The following ZBTB16 variants were observed in gnomAD, a reference collection of about 807,000 sequenced individuals.
ZBTB16 encodes the protein zinc finger and BTB domain-containing protein 16.
A neutral mutation model predicts 56.8 loss-of-function variants in ZBTB16; 8 were observed. The ratio of observed to expected loss-of-function variants is 0.14; its 90% CI spans 0.08 to 0.25. ZBTB16 has a LOEUF of 0.25. Among genes scored for constraint, ZBTB16 ranks in the 10% least tolerant of loss-of-function variants. The pLI, the probability that ZBTB16 is intolerant of heterozygous loss-of-function variation, is 1.00. For synonymous variants in ZBTB16, 363 were observed against 368.5 expected (o/e 0.98, Z 0.17); for missense variants, 625 against 903.0 (o/e 0.69, Z 3.95).
At chr11:114,148,739 G>T (rs991675236) in intron 2 of ZBTB16, among the ~76,000 whole-genome samples, 2 of 151,506 alleles carry the variant, frequency 1.3e-5, no homozygotes, top group Non-Finnish European at 2.9e-5. Flanking sequence ...GTTATCTGCC[G>T]GTCACAGCCT....
At chr11:114,161,639 T>C (rs1942592678) in intron 3 of ZBTB16, among the ~76,000 whole-genome samples, 1 of 152,162 alleles carries the variant, frequency 6.6e-6, no homozygotes, top group African/African-American at 2.4e-5. Context: ...CCTGCGAGTG[T>C]AGGCTGGGCC....
At chr11:114,245,791 C>T (rs1463641289) in intron 5 of ZBTB16, among the ~76,000 whole-genome samples, 1 of 152,132 alleles carries the variant, frequency 6.6e-6, no homozygotes, top group African/African-American at 2.4e-5. Context: ...CGGTTGGCAG[C>T]CCCGCACATC....
intron 2 of ZBTB16, among the ~76,000 whole-genome samples, chr11:114,140,938 C>T (rs1941927754): frequency 1.3e-5 from 2 of 152,170 alleles, no homozygotes; most frequent in Admixed American, 6.5e-5. Flanking sequence ...CACGCTGAGC[C>T]TCCCGCGCCC....
At chr11:114,221,700 A>G (rs950949250) in intron 4 of ZBTB16, among the ~76,000 whole-genome samples, 6 of 152,144 alleles carry the variant, frequency 3.9e-5, no homozygotes, top group South Asian at 2.1e-4. Flanking sequence ...GAGATCATGA[A>G]TGGTCCTCTG....
chr11:114,218,137 A>G lies in ZBTB16; in HGVS notation c.1454-24030A>G, dbSNP rs1944149470. Among the ~76,000 whole-genome samples the G allele has an allele frequency of 2.0e-5, 3 of 152,204 alleles. No homozygotes were observed. The South Asian group carries it at 6.2e-4, about 31-fold the overall frequency. On this transcript the variant is annotated intron_variant, in intron 4 of 6. Transcript: ENST00000335953. ...TTGCTTCCAGGGGGATTGGATGGGC[A>G]GTCCTCCAGGCTGCTGTTGGAAATT...
intron 3 of ZBTB16, among the ~76,000 whole-genome samples, chr11:114,171,543 A>G (rs1942967724): frequency 6.6e-6 from 1 of 152,212 alleles, no homozygotes; most frequent in South Asian, 2.1e-4. Flanking sequence ...AGAGGACAGC[A>G]TGTAACTGTG....
intron 2 of ZBTB16, among the ~76,000 whole-genome samples, chr11:114,091,208 C>T (rs946998394): frequency 2.4e-4 from 36 of 152,224 alleles, no homozygotes; most frequent in African/African-American, 7.5e-4. Flanking sequence ...ATTAACGGGA[C>T]GTTGTGGCAT....
chr11:114,124,584 C>CA (rs80355363), intron 2 of ZBTB16, among the ~76,000 whole-genome samples: 13,628 of 133,878 alleles, frequency 0.1, 722 homozygotes, highest in Middle Eastern at 0.19. Flanking sequence ...AAAAACAAAA[C>CA]AAAAAAAACC....
intron 4 of ZBTB16, among the ~76,000 whole-genome samples, chr11:114,207,099 T>C (rs1358688892): frequency 6.6e-6 from 1 of 152,208 alleles, no homozygotes; most frequent in Non-Finnish European, 1.5e-5. Flanking sequence ...CAAGTTTTGG[T>C]GCTTGGCCTC....
chr11:114,172,633 G>C (rs1344815190), intron 3 of ZBTB16, among the ~76,000 whole-genome samples: 1 of 152,188 alleles, frequency 6.6e-6, no homozygotes, highest in Middle Eastern at 3.2e-3. Context: ...ACGTGGTACA[G>C]ATTGCACGTT....
In ZBTB16 at chr11:114,241,183, T is replaced by C. The variant is rs370462229; in HGVS notation, c.1454-984T>C. Among the ~76,000 whole-genome samples, 3 of 151,914 alleles carry C rather than the reference T, an allele frequency of 2.0e-5. No homozygotes were observed. The East Asian group carries it at 5.8e-4, about 29-fold the overall frequency. Reference sequence around the variant, plus strand: ...CTTGTAGAAGGCATCAAATAATACTTGTTGAGTGAATGGACCTAAGATTCA... The same window carrying C: ...CTTGTAGAAGGCATCAAATAATACTCGTTGAGTGAATGGACCTAAGATTCA... On this transcript the variant is annotated intron_variant, in intron 4 of 6. Transcript: ENST00000335953.
chr11:114,217,627 A>G (rs538968), intron 4 of ZBTB16, among the ~76,000 whole-genome samples: 139,243 of 152,230 alleles, frequency 0.91, 63,821 homozygotes, highest in East Asian at 1. Context: ...GCAGCTAGGT[A>G]TATGGATTTT....
At chr11:114,165,892 A>G (rs926532733) in intron 3 of ZBTB16, among the ~76,000 whole-genome samples, 1 of 152,174 alleles carries the variant, frequency 6.6e-6, no homozygotes, top group African/African-American at 2.4e-5. Flanking sequence ...TATGTTCCAT[A>G]GAGGTCAAGC....
chr11:114,170,214 AAT>A (rs1565665165), intron 3 of ZBTB16, among the ~76,000 whole-genome samples: 1 of 152,244 alleles, frequency 6.6e-6, no homozygotes, highest in African/African-American at 2.4e-5. Flanking sequence ...TGGACTAAAA[AAT>A]ATGTTACGAG....
At chr11:114,160,280 G>T (rs1390441774) in intron 3 of ZBTB16, among the ~76,000 whole-genome samples, 2 of 152,162 alleles carry the variant, frequency 1.3e-5, no homozygotes, top group Non-Finnish European at 2.9e-5. Context: ...ATCTGGTTGG[G>T]GTGGGGTGAA....
At chr11:114,079,273 A>G (rs1351568706) in intron 2 of ZBTB16, among the ~76,000 whole-genome samples, 2 of 152,130 alleles carry the variant, frequency 1.3e-5, no homozygotes, top group African/African-American at 2.4e-5. Context: ...AAACGTGTAA[A>G]GTGCATAGCA....
At chr11:114,092,544 T>C (rs1252808952) in intron 2 of ZBTB16, among the ~76,000 whole-genome samples, 1 of 152,222 alleles carries the variant, frequency 6.6e-6, no homozygotes, top group Non-Finnish European at 1.5e-5. Context: ...CTGCTCCCCC[T>C]CCTTTTCTCT....
intron 4 of ZBTB16, among the ~76,000 whole-genome samples, chr11:114,216,767 G>A (rs1463252437): frequency 1.3e-5 from 2 of 152,180 alleles, no homozygotes; most frequent in African/African-American, 4.8e-5. Flanking sequence ...GAAGAACCAA[G>A]ACGGCTTGCC....
chr11:114,078,745 G>A (rs773959147), intron 2 of ZBTB16, among the ~76,000 whole-genome samples: 1 of 152,044 alleles, frequency 6.6e-6, no homozygotes, highest in East Asian at 1.9e-4. Flanking sequence ...AGGAGGGGGC[G>A]GGCGTGGTAT....
Sources: allele counts gnomAD v4.1 joint callset (sites outside exome capture counted in the v4.1 genomes callset), GRCh38; gene constraint gnomAD v4.1.1; transcripts MANE v1.5; gene names NCBI Gene and HGNC (gene_info 2026-07-23, HGNC 2026-07-21).